The following FARP1 variants were observed in gnomAD, a reference collection of about 807,000 sequenced individuals.
The protein encoded by FARP1 is FERM, ARHGEF and pleckstrin domain-containing protein 1.
A neutral mutation model predicts 128.8 loss-of-function variants in FARP1; 52 were observed. That is an observed-to-expected ratio of 0.40 (90% CI 0.32 to 0.51). FARP1 has a LOEUF of 0.51. Ranked by LOEUF, FARP1 falls within the 20% of genes least tolerant of loss-of-function variation. The pLI is 0.45. For missense variants in FARP1, 1,333 were observed against 1,367.9 expected, an observed-to-expected ratio of 0.97 and a Z score of 0.40; for synonymous variants, 580 against 551.8, an observed-to-expected ratio of 1.05 and a Z score of -0.72.
At chr13:98,225,841 T>C (rs1484521888) in intron 2 of FARP1, among the ~76,000 whole-genome samples, 1 of 152,122 alleles carries the variant, frequency 6.6e-6, no homozygotes, top group Non-Finnish European at 1.5e-5. Context: ...GAGAGTTGGT[T>C]TTGTCTCTGG....
At chr13:98,166,935 C>T (rs1378702034) in intron 1 of FARP1, among the ~76,000 whole-genome samples, 12 of 152,076 alleles carry the variant, frequency 7.9e-5, no homozygotes, top group African/African-American at 2.9e-4. Flanking sequence ...CCATGTGTCC[C>T]AGGCTGATCT....
chr13:98,325,780 C>T (rs1194432635), intron 2 of FARP1, among the ~76,000 whole-genome samples: 2 of 152,188 alleles, frequency 1.3e-5, no homozygotes, highest in Non-Finnish European at 2.9e-5. Context: ...GTCTTTGTGG[C>T]TGAGGATTTG....
At chr13:98,306,238 G>A (rs1175166836) in intron 2 of FARP1, among the ~76,000 whole-genome samples, 1 of 152,200 alleles carries the variant, frequency 6.6e-6, no homozygotes, top group Non-Finnish European at 1.5e-5. Context: ...AACTGAAACT[G>A]GTGCATATCA....
chr13:98,423,771 A>C (rs760269716), intron 16 of FARP1, among the ~76,000 whole-genome samples: 1 of 152,258 alleles, frequency 6.6e-6, no homozygotes, highest in African/African-American at 2.4e-5. Context: ...GCTCATGACT[A>C]TAATTAACTT....
chr13:98,281,880 C>T (rs1884952987), intron 2 of FARP1, among the ~76,000 whole-genome samples: 1 of 152,224 alleles, frequency 6.6e-6, no homozygotes, highest in Admixed American at 6.5e-5. Context: ...ACGCATCTTA[C>T]TGCCTCAACT....
Position 98,270,854 on chromosome 13 carries a change from G to A in FARP1, c.171+57441G>A, listed in dbSNP as rs146320097. On this transcript the variant is annotated intron_variant, in intron 2 of 26. Coordinates refer to ENST00000319562, the MANE Select transcript of FARP1 (RefSeq NM_005766.4). ...CTAAATGGAACATTCACGCAAGGCA[G>A]TGTACAGAGATGGTGTGGTATACTG... Among the ~76,000 whole-genome samples, 172 of 152,262 alleles carry A rather than the reference G, an allele frequency of 1.1e-3. 1 individual carries two copies. The highest frequency in any genetic ancestry group is 4.1e-3 in the African/African-American group (169 of 41,550).
intron 24 of FARP1, among the ~76,000 whole-genome samples, chr13:98,444,921 A>G (rs1021667058): frequency 5.3e-5 from 8 of 152,136 alleles, no homozygotes; most frequent in Non-Finnish European, 1.0e-4. Context: ...GGGAACCTGG[A>G]GCCTTGCATT....
chr13:98,435,728 A>G (rs1202047608), intron 19 of FARP1, 22 bp downstream of exon 19: 2 of 1,612,354 alleles, frequency 1.2e-6, no homozygotes, highest in East Asian at 2.2e-5. Context: ...TGGCCTCACT[A>G]TGCACTGCGC....
intron 2 of FARP1, among the ~76,000 whole-genome samples, chr13:98,272,003 A>G (rs1372044501): frequency 6.6e-6 from 1 of 152,056 alleles, no homozygotes; most frequent in Non-Finnish European, 1.5e-5. Flanking sequence ...TCCTTGAGGA[A>G]TCGCCATACT....
intron 2 of FARP1, chr13:98,244,873 T>C: frequency 1.4e-6 from 2 of 1,436,902 alleles, no homozygotes; most frequent in Non-Finnish European, 1.8e-6. Flanking sequence ...TGAAGCTGCA[T>C]ACAGAGGGGC....
At chr13:98,260,907 A>C (rs1883847939) in intron 2 of FARP1, among the ~76,000 whole-genome samples, 1 of 152,208 alleles carries the variant, frequency 6.6e-6, no homozygotes, top group Non-Finnish European at 1.5e-5. Context: ...GGAGAGAGTC[A>C]GGGCCTTCAG....
intron 3 of FARP1, among the ~76,000 whole-genome samples, chr13:98,351,184 G>A (rs1166156357): frequency 3.9e-5 from 6 of 152,022 alleles, no homozygotes; most frequent in Non-Finnish European, 8.8e-5. Flanking sequence ...CTTGGGAACT[G>A]TGAGTAATAA....
At chr13:98,185,685 A>C (rs1878816052) in intron 1 of FARP1, among the ~76,000 whole-genome samples, 1 of 151,738 alleles carries the variant, frequency 6.6e-6, no homozygotes, top group Non-Finnish European at 1.5e-5. Context: ...AATATGCATA[A>C]AATTTGATGG....
rs544171275 is a variant in FARP1, at chr13:98,254,126, G to A, written c.171+40713G>A. Among the ~76,000 whole-genome samples, 4 of 152,246 alleles carry A rather than the reference G, an allele frequency of 2.6e-5. 1 individual carries two copies. The South Asian group carries it at 6.2e-4, about 24-fold the overall frequency. On this transcript the variant is annotated intron_variant, in intron 2 of 26. Transcript: ENST00000319562. The stretch of plus-strand genomic sequence containing the variant: ...TTCCGGGCAAAGTGATAATCTGAGC[G>A]GGCAGTCGGTAGTGTGTGGGTGTCC...
In FARP1 at chr13:98,153,297, A is replaced by T. The variant is rs374435053; in HGVS notation, c.-24+9805A>T. 6.5e-3 allele frequency among the ~76,000 whole-genome samples: 750 copies of T among 114,990 alleles called. 15 individuals are homozygous for T. The highest frequency in any genetic ancestry group is 0.022 in the African/African-American group (719 of 33,398). 75.4% of individuals were successfully genotyped at this position (114,990 alleles called of 152,430 possible). A position where few individuals can be genotyped will look rare whatever the true frequency, so the allele number is the denominator to read the frequency against. On this transcript the variant is annotated intron_variant, in intron 1 of 26. Coordinates refer to ENST00000319562, the MANE Select transcript of FARP1 (RefSeq NM_005766.4). ...TTTATATATATATAAAATATATATA[A>T]ATATATTTATATATAAAATATATAA...
At chr13:98,185,828 G>T (rs2139216976) in intron 1 of FARP1, among the ~76,000 whole-genome samples, 1 of 152,174 alleles carries the variant, frequency 6.6e-6, no homozygotes, top group South Asian at 2.1e-4. Flanking sequence ...CTCCCAAGTA[G>T]CTGGGATTAT....
intron 2 of FARP1, among the ~76,000 whole-genome samples, chr13:98,240,125 C>A (rs992136647): frequency 6.6e-6 from 1 of 152,150 alleles, no homozygotes; most frequent in African/African-American, 2.4e-5. Context: ...CACGGGGTCA[C>A]CCTTGGCCAG....
rs142550548 is a variant in FARP1, at chr13:98,274,627, A to G, written c.171+61214A>G. Among the ~76,000 whole-genome samples, 4 of 152,306 alleles carry G rather than the reference A, an allele frequency of 2.6e-5. No homozygotes were observed. The East Asian group carries it at 7.7e-4, about 29-fold the overall frequency. ...CAGCCTTTTAATGGAAAAAACTGCA[A>G]TTACTTTTGCTCCAACCTAATAATT... is the stretch of plus-strand genomic sequence containing the variant. On this transcript the variant is annotated intron_variant, in intron 2 of 26. Coordinates refer to ENST00000319562, the MANE Select transcript of FARP1 (RefSeq NM_005766.4).
intron 9 of FARP1, among the ~76,000 whole-genome samples, chr13:98,389,054 C>T (rs887396489): frequency 5.3e-5 from 8 of 152,232 alleles, no homozygotes; most frequent in African/African-American, 1.2e-4. Flanking sequence ...GTGTCCTGGG[C>T]GTCTGTCCCC....
Sources: allele counts gnomAD v4.1 joint callset (sites outside exome capture counted in the v4.1 genomes callset), GRCh38; gene constraint gnomAD v4.1.1; transcripts MANE v1.5; gene names NCBI Gene and HGNC (gene_info 2026-07-23, HGNC 2026-07-21).